The following PACRG variants were observed in gnomAD, a reference collection of about 807,000 sequenced individuals.
PACRG encodes the protein parkin coregulated, also known as parkin coregulated gene protein.
A neutral mutation model predicts 29.7 loss-of-function variants in PACRG; 29 were observed. That is an observed-to-expected ratio of 0.98 (90% CI 0.73 to 1.33). PACRG has a LOEUF of 1.33. PACRG is among the 40% of genes most tolerant of loss of function. The pLI is 0.00. For synonymous variants in PACRG, 116 were observed against 118.7 expected, an observed-to-expected ratio of 0.98 and a Z score of 0.15; for missense variants, 279 against 316.2, an observed-to-expected ratio of 0.88 and a Z score of 0.89.
chr6:163,097,614 A>G (rs1305765520), intron 4 of PACRG, among the ~76,000 whole-genome samples: 2 of 152,220 alleles, frequency 1.3e-5, no homozygotes, highest in Non-Finnish European at 2.9e-5. Flanking sequence ...AGGGAGACAT[A>G]AGACATCAAT....
At chr6:163,125,988 C>G (rs1816498827) in intron 4 of PACRG, among the ~76,000 whole-genome samples, 1 of 152,174 alleles carries the variant, frequency 6.6e-6, no homozygotes, top group Non-Finnish European at 1.5e-5. Flanking sequence ...CATACAAACA[C>G]TTACACATTG....
At chr6:163,198,600 T>C (rs1780572694) in intron 4 of PACRG, among the ~76,000 whole-genome samples, 1 of 152,208 alleles carries the variant, frequency 6.6e-6, no homozygotes, top group Non-Finnish European at 1.5e-5. Context: ...CAAGGATCTG[T>C]GTTCCTGTTT....
intron 2 of PACRG, among the ~76,000 whole-genome samples, chr6:162,863,846 A>G (rs186406184): frequency 6.6e-6 from 1 of 152,270 alleles, no homozygotes; most frequent in African/African-American, 2.4e-5. Context: ...TCTCATACCT[A>G]CCTATTTAAT....
At chr6:163,293,564 A>G (rs1271657623) in intron 4 of PACRG, among the ~76,000 whole-genome samples, 1 of 152,212 alleles carries the variant, frequency 6.6e-6, no homozygotes, top group Non-Finnish European at 1.5e-5. Flanking sequence ...TAGAAATTTC[A>G]CTTATTACCT....
intron 4 of PACRG, among the ~76,000 whole-genome samples, chr6:163,260,712 T>C (rs1190093173): frequency 6.6e-6 from 1 of 152,202 alleles, no homozygotes; most frequent in Non-Finnish European, 1.5e-5. Context: ...ATTTAAACGC[T>C]CACTGTTCTG....
intron 1 of PACRG, among the ~76,000 whole-genome samples, chr6:162,778,638 A>G (rs1269807959): frequency 6.6e-6 from 1 of 152,188 alleles, no homozygotes; most frequent in Non-Finnish European, 1.5e-5. Flanking sequence ...GACTCAGGGA[A>G]ATCTAAGTGG....
intron 2 of PACRG, among the ~76,000 whole-genome samples, chr6:162,835,252 T>G (rs1359886793): frequency 1.3e-5 from 2 of 152,158 alleles, no homozygotes; most frequent in Admixed American, 1.3e-4. Context: ...AAAGTATACA[T>G]GAAGTATTAC....
intron 1 of PACRG, among the ~76,000 whole-genome samples, chr6:162,773,227 A>C (rs1190091967): frequency 6.6e-6 from 1 of 152,170 alleles, no homozygotes; most frequent in Non-Finnish European, 1.5e-5. Flanking sequence ...ATTAAGAAAG[A>C]GGGGAGAATT....
chr6:163,159,096 C>T (rs1352328990), intron 4 of PACRG, among the ~76,000 whole-genome samples: 2 of 152,060 alleles, frequency 1.3e-5, no homozygotes, highest in Admixed American at 6.5e-5. Flanking sequence ...GCTGTGTGAC[C>T]TCAGGCAACT....
intron 2 of PACRG, among the ~76,000 whole-genome samples, chr6:162,858,362 C>T (rs1791579415): frequency 6.6e-6 from 1 of 152,122 alleles, no homozygotes; most frequent in Admixed American, 6.6e-5. Context: ...ATTATGAGAA[C>T]AGCATGGGGG....
rs116330883 is a variant in PACRG, at chr6:163,172,263, C to T, written c.613+82855C>T. 3.0e-3 allele frequency among the ~76,000 whole-genome samples: 457 copies of T among 152,336 alleles called. 3 individuals are homozygous for T. The highest frequency in any genetic ancestry group is 0.011 in the African/African-American group (439 of 41,562). On this transcript the variant is annotated intron_variant, in intron 4 of 4. Transcript: ENST00000366888. ...GTTCCTCTACCTTGATCAGCTCAGACATTTCCACCCCCTCAACCTAAATGA... is the reference window on the plus strand; with the variant it reads ...GTTCCTCTACCTTGATCAGCTCAGATATTTCCACCCCCTCAACCTAAATGA...
At chr6:162,941,788 T>C (rs1379069662) in intron 2 of PACRG, among the ~76,000 whole-genome samples, 1 of 152,184 alleles carries the variant, frequency 6.6e-6, no homozygotes, top group Non-Finnish European at 1.5e-5. Flanking sequence ...TAAAATGTAG[T>C]GGCTGAAAAG....
At chr6:163,050,787 T>C (rs535023552) in intron 2 of PACRG, among the ~76,000 whole-genome samples, 25 of 152,356 alleles carry the variant, frequency 1.6e-4, no homozygotes, top group African/African-American at 5.8e-4. Flanking sequence ...TATTGTAAAC[T>C]GTCTTTTGTT....
intron 4 of PACRG, among the ~76,000 whole-genome samples, chr6:163,193,387 G>C (rs1001471331): frequency 7.9e-5 from 12 of 152,310 alleles, no homozygotes; most frequent in African/African-American, 2.6e-4. Flanking sequence ...TTAAGACAAT[G>C]TATGAAGAGT....
intron 2 of PACRG, among the ~76,000 whole-genome samples, chr6:162,887,017 C>T (rs1794393976): frequency 6.6e-6 from 1 of 152,132 alleles, no homozygotes; most frequent in Admixed American, 6.5e-5. Flanking sequence ...AAGCGATTCT[C>T]CTGCCTCAGC....
chr6:163,281,468 C>T (rs542364934), intron 4 of PACRG, among the ~76,000 whole-genome samples: 1 of 152,200 alleles, frequency 6.6e-6, no homozygotes, highest in South Asian at 2.1e-4. Flanking sequence ...ATGTAAAATA[C>T]ATTGGACAGT....
In PACRG at chr6:163,213,025, G is replaced by A. The variant is rs560348132; in HGVS notation, c.614-101802G>A. 5.9e-5 allele frequency among the ~76,000 whole-genome samples: 9 copies of A among 152,220 alleles called. No individual in the cohort carries two copies. The South Asian group carries it at 1.0e-3, about 18-fold the overall frequency. On this transcript the variant is annotated intron_variant, in intron 4 of 4. Coordinates refer to ENST00000366888, the MANE Select transcript of PACRG (RefSeq NM_001080379.2). ...GATCTCCTGACCTCGTGATCCACCC[G>A]CCTTGGCCTCCCAAAGTGCTGGGAT...
At chr6:163,242,747 C>T (rs776261415) in intron 4 of PACRG, among the ~76,000 whole-genome samples, 3 of 152,234 alleles carry the variant, frequency 2.0e-5, no homozygotes, top group Middle Eastern at 3.4e-3. Context: ...CACAGATTAC[C>T]GAGTTGTGTC....
intron 4 of PACRG, among the ~76,000 whole-genome samples, chr6:163,091,177 G>T (rs1163650323): frequency 6.6e-6 from 1 of 152,192 alleles, no homozygotes; most frequent in Admixed American, 6.5e-5. Flanking sequence ...AATCAGTGAT[G>T]TTCAAAGGAC....
Sources: gnomAD v4.1 joint callset for allele counts (sites outside exome capture counted in the v4.1 genomes callset) on GRCh38, gnomAD v4.1.1 for gene constraint, MANE v1.5 for transcripts, NCBI Gene and HGNC (gene_info 2026-07-23, HGNC 2026-07-21) for gene names.